ZNF641: variants seen among roughly 807,000 people sequenced by gnomAD.
ZNF641 encodes zinc finger protein 641.
Under a neutral mutation model 46.2 loss-of-function variants are expected in ZNF641, and 26 were observed. The ratio of observed to expected loss-of-function variants is 0.56; its 90% CI spans 0.41 to 0.78. The LOEUF is 0.78. ZNF641 is among the 30% of genes least tolerant of loss of function. The pLI, the probability that ZNF641 is intolerant of heterozygous loss-of-function variation, is 0.00. For missense variants in ZNF641, 469 were observed against 517.8 expected (o/e 0.91, Z 0.91); for synonymous variants, 163 against 187.9 (o/e 0.87, Z 1.09).
chr12:48,336,214 A>G (rs952610306), downstream of ZNF641, among the ~76,000 whole-genome samples: 6 of 152,298 alleles, frequency 3.9e-5, no homozygotes, highest in East Asian at 9.6e-4. Flanking sequence ...GCACTCATAT[A>G]CAGTGTTGGT....
Position 48,344,605 on chromosome 12 carries a change from A to G in ZNF641, c.514T>C (p.Tyr172His). 6.2e-7 allele frequency: 1 copy of G among 1,606,448 alleles called. No homozygotes were observed. The highest frequency in any genetic ancestry group is 8.5e-7 in the Non-Finnish European group (1 of 1,173,100). ...GCCTATTCTAGGTTCTTACCTGTAT[A>G]TGTGACCCTCAGAATGTCCCTCTCC... ...LEERDILRVT[Y>H]TGDGSEHEGD... The change falls in exon 5 of 6, where the codon TAT becomes CAT. Residue 172 changes from tyrosine (Y) to histidine (H), a missense_variant. Coordinates refer to ENST00000547026, the MANE Select transcript of ZNF641 (RefSeq NM_001172681.2).
chr12:48,347,054 A>C (rs1592146930), intron 3 of ZNF641, 198 bp downstream of exon 3: 2 of 1,020,646 alleles, frequency 2.0e-6, no homozygotes, highest in East Asian at 5.7e-5. Context: ...CCTAACCTCA[A>C]GGAATTCCCT....
In ZNF641 at chr12:48,344,705, T is replaced by C; in HGVS notation, c.414A>G (p.Pro138=). 2 of 1,604,478 alleles carry C rather than the reference T, an allele frequency of 1.2e-6. No homozygotes were observed. Among genetic ancestry groups the C allele is most frequent in the Non-Finnish European group, 1.7e-6 (2 of 1,174,124 alleles). ...NCGIVVSLRF[P]IPKLDMLSQL... ...GAGAAAGCATGTCCAGTTTGGGAAT[T>C]GGAAATCCTGCTCATGGGAAAGGAA... Residue 138 remains proline (P), a synonymous_variant, in exon 5 of 6, where the codon CCA becomes CCG. Transcript: ENST00000547026.
At position 48,340,932 on chromosome 12, in the gene ZNF641, C is replaced by G. The variant is rs1952702894; in HGVS notation, c.*2041G>C. On this transcript the variant is annotated 3_prime_UTR_variant, in exon 6 of 6. Coordinates refer to ENST00000547026, the MANE Select transcript of ZNF641 (RefSeq NM_001172681.2). ...CTGTTTCTGAGAAGCTAGGGCAAGA[C>G]CTGCCTTACAAAGACCAGCCATTTT... 1.0e-6 allele frequency: 1 copy of G among 985,344 alleles called. No individual in the cohort carries two copies. Among genetic ancestry groups the G allele is most frequent in the Non-Finnish European group, 1.2e-6 (1 of 829,978 alleles). The allele number at this position is 985,344 out of a possible 1,614,324, so 61.0% of individuals were successfully genotyped here.
intron 1 of ZNF641, 33 bp downstream of exon 1, chr12:48,350,753 A>G (rs976575380): frequency 4.4e-6 from 4 of 910,676 alleles, no homozygotes; most frequent in Non-Finnish European, 5.3e-6. Context: ...CCCTCCCTCC[A>G]GCCGCAGCTC....
Position 48,341,384 on chromosome 12 carries a change from T to C in ZNF641, c.*1589A>G. 1.0e-6 allele frequency: 1 copy of C among 985,456 alleles called. No homozygotes were observed. The highest frequency in any genetic ancestry group is 1.2e-6 in the Non-Finnish European group (1 of 829,930). The allele number at this position is 985,456 out of a possible 1,614,324, so 61.0% of individuals were successfully genotyped here. ...TATAAGATTGGTATTAACACAATTA[T>C]TGATAAAGAGAAACAATGACCAACT... On this transcript the variant is annotated 3_prime_UTR_variant, in exon 6 of 6. Transcript: ENST00000547026.
At position 48,341,630 on chromosome 12, in the gene ZNF641, G is replaced by C; in HGVS notation, c.*1343C>G. 1.0e-6 allele frequency: 1 copy of C among 985,452 alleles called. No individual in the cohort carries two copies. The highest frequency in any genetic ancestry group is 1.7e-5 in the African/African-American group (1 of 57,356). 61.0% of individuals were successfully genotyped at this position (985,452 alleles called of 1,614,324 possible). A position where few individuals can be genotyped will look rare whatever the true frequency, so the allele number is the denominator to read the frequency against. ...TGATGAGGCAGTCAAATTCAAACCAGTGATGGCAACAACTTGCAAACACGT... is the reference window on the plus strand; with the variant it reads ...TGATGAGGCAGTCAAATTCAAACCACTGATGGCAACAACTTGCAAACACGT... On this transcript the variant is annotated 3_prime_UTR_variant, in exon 6 of 6. Transcript: ENST00000547026.
At position 48,338,359 on chromosome 12, in the gene ZNF641, G is replaced by A. The variant is rs756738585; in HGVS notation, c.*4614C>T. The A allele has an allele frequency of 6.6e-6, 1 of 152,274 alleles. No homozygotes were observed. The highest frequency in any genetic ancestry group is 2.4e-5 in the African/African-American group (1 of 41,460). The allele number at this position is 152,274 out of a possible 1,614,324, so 9.4% of individuals were successfully genotyped here. On this transcript the variant is annotated 3_prime_UTR_variant, in exon 6 of 6. Coordinates refer to ENST00000547026, the MANE Select transcript of ZNF641 (RefSeq NM_001172681.2). ...TGAAAAAGAGTATGAACAAATTGTA[G>A]AGGAAGAATGCTGCCTGTTGGGAAA...
In ZNF641 at chr12:48,347,990, T is replaced by A; in HGVS notation, c.101A>T (p.Glu34Val). The part of the protein sequence containing the change: ...EPQVERGSQE[E>V]RPWRTVPGPL... ...TCCTGGTACTGTTCTCCATGGCCGC[T>A]CTTCCTGGCTTCCCCTTTCCACCTG... The change falls in exon 2 of 6, where the codon GAG (glutamate) becomes GTG (valine). Residue 34 changes from glutamate (E) to valine (V), a missense_variant. By Grantham distance (121) the Glu-to-Val change is moderately radical. Coordinates refer to ENST00000547026, the MANE Select transcript of ZNF641 (RefSeq NM_001172681.2). 6.2e-7 allele frequency: 1 copy of A among 1,614,262 alleles called. No homozygotes were observed. The highest frequency in any genetic ancestry group is 8.5e-7 in the Non-Finnish European group (1 of 1,180,050).
upstream of ZNF641, chr12:48,351,004 G>A (rs1433463381): frequency 1.2e-5 from 2 of 173,756 alleles, no homozygotes; most frequent in African/African-American, 5.0e-5. Context: ...GGGAGGGAGA[G>A]GAGTGGGAGG....
chr12:48,334,993 A>C (rs981207930), downstream of ZNF641, among the ~76,000 whole-genome samples: 1 of 152,204 alleles, frequency 6.6e-6, no homozygotes, highest in African/African-American at 2.4e-5. Flanking sequence ...CATGACCCAG[A>C]GCTAATTGTA....
rs569335156 is a variant in ZNF641 at position 48,343,301 on chromosome 12, C to T, written c.947G>A (p.Arg316Gln). ...SRCSECGKNF[R>Q]CNSHLASHQR... is the part of the protein sequence containing the mutation. Reference sequence around the variant, plus strand: ...GTGGCTGGCCAGATGGGAGTTGCATCGGAAATTCTTACCACACTCAGAGCA... The same window carrying T: ...GTGGCTGGCCAGATGGGAGTTGCATTGGAAATTCTTACCACACTCAGAGCA... The change falls in exon 6 of 6, where the codon CGA becomes CAA. Residue 316 changes from arginine to glutamine, a missense_variant. Transcript: ENST00000547026. 1.6e-5 allele frequency: 26 copies of T among 1,614,198 alleles called. No homozygotes were observed. The highest frequency in any genetic ancestry group is 2.7e-5 in the African/African-American group (2 of 75,042).
At chr12:48,347,455 T>C (rs746249177) in intron 2 of ZNF641, 112 bp from the exon 3 acceptor site, 7 of 882,162 alleles carry the variant, frequency 7.9e-6, no homozygotes, top group South Asian at 4.1e-5. Context: ...TCTATGCCCA[T>C]TGGTAAAACT....
In ZNF641 at chr12:48,340,127, T is replaced by G; in HGVS notation, c.*2846A>C. ...AATCATTCAAATCTATTCACTCATC[T>G]GATGGCTGTTGCTTGTTTTATTTTT... On this transcript the variant is annotated 3_prime_UTR_variant, in exon 6 of 6. Coordinates refer to ENST00000547026, the MANE Select transcript of ZNF641 (RefSeq NM_001172681.2). 2 of 985,484 alleles carry G rather than the reference T, an allele frequency of 2.0e-6. No individual in the cohort carries two copies. Among genetic ancestry groups the G allele is most frequent in the South Asian group, 4.7e-5 (1 of 21,288 alleles). 61.0% of individuals were successfully genotyped at this position (985,484 alleles called of 1,614,324 possible). A position where few individuals can be genotyped will look rare whatever the true frequency, so the allele number is the denominator to read the frequency against.
chr12:48,345,310 C>T, intron 4 of ZNF641, 35 bp downstream of exon 4: 1 of 1,611,412 alleles, frequency 6.2e-7, no homozygotes, highest in African/African-American at 1.3e-5. Flanking sequence ...CTCCCAGAGT[C>T]CAATCTTCTA....
In ZNF641 at chr12:48,342,745, G is replaced by A; in HGVS notation, c.*228C>T. The A allele has an allele frequency of 7.4e-7, 1 of 1,354,520 alleles. No homozygotes were observed. The highest frequency in any genetic ancestry group is 2.7e-5 in the East Asian group (1 of 36,784). 83.9% of individuals were successfully genotyped at this position (1,354,520 alleles called of 1,614,324 possible). A position where few individuals can be genotyped will look rare whatever the true frequency, so the allele number is the denominator to read the frequency against. ...CAGCTCAGGCTGAATATCAGCCCATGTAGGATGCATTGCTTCCCAAAAGTT... is the reference window on the plus strand; with the variant it reads ...CAGCTCAGGCTGAATATCAGCCCATATAGGATGCATTGCTTCCCAAAAGTT... On this transcript the variant is annotated 3_prime_UTR_variant, in exon 6 of 6. Coordinates refer to ENST00000547026, the MANE Select transcript of ZNF641 (RefSeq NM_001172681.2).
intron 3 of ZNF641, among the ~76,000 whole-genome samples, chr12:48,346,444 T>G (rs775586675): frequency 6.6e-5 from 10 of 152,190 alleles, no homozygotes; most frequent in Non-Finnish European, 8.8e-5. Flanking sequence ...TGTACTCTAT[T>G]AGTACTAACA....
chr12:48,347,452 C>G, intron 2 of ZNF641, 109 bp from the exon 3 acceptor site: 1 of 929,598 alleles, frequency 1.1e-6, no homozygotes, highest in Admixed American at 3.2e-5. Flanking sequence ...GTATCTATGC[C>G]CATTGGTAAA....
Position 48,341,398 on chromosome 12 carries a change from C to A in ZNF641, c.*1575G>T. On this transcript the variant is annotated 3_prime_UTR_variant, in exon 6 of 6. Transcript: ENST00000547026. ...TAACACAATTATTGATAAAGAGAAACAATGACCAACTCATTAGCTAACGAT... is the reference window on the plus strand; with the variant it reads ...TAACACAATTATTGATAAAGAGAAAAAATGACCAACTCATTAGCTAACGAT... The A allele has an allele frequency of 1.0e-6, 1 of 985,406 alleles. No homozygotes were observed. Among genetic ancestry groups the A allele is most frequent in the Non-Finnish European group, 1.2e-6 (1 of 829,926 alleles). The allele number at this position is 985,406 out of a possible 1,614,324, so 61.0% of individuals were successfully genotyped here. A position where few individuals can be genotyped will look rare whatever the true frequency, so the allele number is the denominator to read the frequency against.
Sources: allele counts gnomAD v4.1 joint callset (sites outside exome capture counted in the v4.1 genomes callset), GRCh38; gene constraint gnomAD v4.1.1; transcripts MANE v1.5; gene names NCBI Gene and HGNC (gene_info 2026-07-23, HGNC 2026-07-21).